Variants in ROR1 observed in about 807,000 individuals in gnomAD.
ROR1 encodes ROR family WNT receptor 1, also known as inactive tyrosine-protein kinase transmembrane receptor ROR1.
ROR1 carries 19 observed loss-of-function variants against 78.8 expected under a neutral mutation model. That is an observed-to-expected ratio of 0.24 (90% CI 0.17 to 0.35). The LOEUF (loss-of-function observed/expected upper bound fraction) is 0.35. Among genes scored for constraint, ROR1 ranks in the 10% least tolerant of loss-of-function variants. The probability of loss-of-function intolerance (pLI) is 1.00; values close to 1 mark genes in which losing one functional copy is unlikely to be tolerated. For synonymous variants in ROR1, 386 were observed against 433.6 expected (o/e 0.89, Z 1.36); for missense variants, 917 against 1,177.8 (o/e 0.78, Z 3.24).
chr1:64,059,279 A>C (rs1214917828), intron 4 of ROR1, among the ~76,000 whole-genome samples: 1 of 152,150 alleles, frequency 6.6e-6, no homozygotes, highest in East Asian at 1.9e-4. Flanking sequence ...TGGATATTGA[A>C]ATAGAGTATT....
At chr1:63,820,841 A>T (rs920921481) in intron 1 of ROR1, among the ~76,000 whole-genome samples, 3 of 152,196 alleles carry the variant, frequency 2.0e-5, no homozygotes, top group Admixed American at 1.3e-4. Flanking sequence ...GGAGAAACAG[A>T]TGAGGAATGG....
In ROR1 at chr1:63,969,640, A is replaced by G. The variant is rs1646103141; in HGVS notation, c.92-39665A>G. Among the ~76,000 whole-genome samples, 3 of 152,094 alleles carry G rather than the reference A, an allele frequency of 2.0e-5. No individual in the cohort carries two copies. In the South Asian group the frequency reaches 6.2e-4, roughly 32 times the overall value. ...CCATTGTCCATCCAGTGTCCGAGCC[A>G]GAAATCTCCGCTCTTCCATGTGTTT... On this transcript the variant is annotated intron_variant, in intron 1 of 8. Transcript: ENST00000371079.
intron 1 of ROR1, among the ~76,000 whole-genome samples, chr1:63,940,514 T>C (rs537646257): frequency 6.6e-6 from 1 of 151,400 alleles, no homozygotes; most frequent in South Asian, 2.1e-4. Context: ...GATAGATAGA[T>C]AGATAGATAG....
intron 1 of ROR1, among the ~76,000 whole-genome samples, chr1:63,922,447 A>AAC (rs1264616350): frequency 6.6e-6 from 1 of 152,172 alleles, no homozygotes; most frequent in African/African-American, 2.4e-5. Context: ...GTATCTGGTT[A>AAC]ACAGTTCACT....
At chr1:63,890,877 A>G (rs1016799956) in intron 1 of ROR1, among the ~76,000 whole-genome samples, 1 of 152,150 alleles carries the variant, frequency 6.6e-6, no homozygotes. Flanking sequence ...CGGCCATACC[A>G]CGCTGAACAT....
At chr1:64,006,417 T>G (rs2100539244) in intron 1 of ROR1, among the ~76,000 whole-genome samples, 1 of 152,150 alleles carries the variant, frequency 6.6e-6, no homozygotes, top group South Asian at 2.1e-4. Flanking sequence ...AGAGCCAAAG[T>G]GGGTGGCAGC....
intron 1 of ROR1, among the ~76,000 whole-genome samples, chr1:63,912,163 T>C (rs915469216): frequency 6.6e-6 from 1 of 150,406 alleles, no homozygotes; most frequent in Non-Finnish European, 1.5e-5. Flanking sequence ...CTGAGCATGG[T>C]GGCATGTGTC....
rs575399209 is a variant in ROR1, at chr1:64,133,933, T to G, written c.483-3436T>G. Among the ~76,000 whole-genome samples, 9 of 152,142 alleles carry G rather than the reference T, an allele frequency of 5.9e-5. No homozygotes were observed. In the South Asian group the frequency reaches 1.9e-3, roughly 32 times the overall value. ...TCCAGCCAAAGCCAGTGGGGAAAAA[T>G]GGAAAAGAAAGAAATGTGTTTTTGA... On this transcript the variant is annotated intron_variant, in intron 4 of 8. Transcript: ENST00000371079.
intron 1 of ROR1, among the ~76,000 whole-genome samples, chr1:63,814,561 C>G (rs1644878294): frequency 6.6e-6 from 1 of 151,446 alleles, no homozygotes; most frequent in African/African-American, 2.4e-5. Flanking sequence ...CAGTGGGAGC[C>G]CTGAGCTTGT....
At position 64,050,802 on chromosome 1, in the gene ROR1, G is replaced by A. The variant is rs373472361; in HGVS notation, c.482+86G>A. On this transcript the variant is annotated intron_variant, in intron 4 of 8. Coordinates refer to ENST00000371079, the MANE Select transcript of ROR1 (RefSeq NM_005012.4). ...AAAAGCAATGTTGTCCTCTTCTTAAGCCAAAATACTGGCTTCCAGATGTCA... is the reference window on the plus strand; with the variant it reads ...AAAAGCAATGTTGTCCTCTTCTTAAACCAAAATACTGGCTTCCAGATGTCA... The A allele has an allele frequency of 8.4e-6, 11 of 1,303,030 alleles. No individual in the cohort carries two copies. In the African/African-American group the frequency reaches 1.0e-4, roughly 12 times the overall value. 80.7% of individuals were successfully genotyped at this position (1,303,030 alleles called of 1,614,324 possible).
chr1:63,799,266 C>T (rs1393517580), intron 1 of ROR1, among the ~76,000 whole-genome samples: 1 of 152,066 alleles, frequency 6.6e-6, no homozygotes, highest in Non-Finnish European at 1.5e-5. Flanking sequence ...CATTTCCCTT[C>T]CTCAAAAATA....
intron 2 of ROR1, among the ~76,000 whole-genome samples, chr1:64,042,271 A>G (rs546637340): frequency 4.6e-5 from 7 of 152,298 alleles, no homozygotes; most frequent in Admixed American, 4.6e-4. Flanking sequence ...GGACCCAGGT[A>G]TCAGTATTTT....
At chr1:63,821,045 A>G (rs1042877146) in intron 1 of ROR1, among the ~76,000 whole-genome samples, 6 of 152,142 alleles carry the variant, frequency 3.9e-5, no homozygotes, top group African/African-American at 1.4e-4. Flanking sequence ...AAAGGGAAAG[A>G]TTTTTTGTGT....
chr1:63,870,004 A>G (rs949237082), intron 1 of ROR1, among the ~76,000 whole-genome samples: 6 of 152,218 alleles, frequency 3.9e-5, no homozygotes, highest in African/African-American at 1.4e-4. Context: ...TGAAATTATT[A>G]TTTATTGCAC....
intron 8 of ROR1, among the ~76,000 whole-genome samples, chr1:64,162,385 G>C (rs1649971722): frequency 6.6e-6 from 1 of 152,188 alleles, no homozygotes; most frequent in African/African-American, 2.4e-5. Flanking sequence ...CGACAGACTG[G>C]CTGACGAGGC....
At chr1:63,919,712 G>A (rs1308079798) in intron 1 of ROR1, among the ~76,000 whole-genome samples, 2 of 151,976 alleles carry the variant, frequency 1.3e-5, no homozygotes, top group Non-Finnish European at 2.9e-5. Flanking sequence ...TTGTTCAATT[G>A]GGGATCATAA....
intron 1 of ROR1, among the ~76,000 whole-genome samples, chr1:63,798,010 C>T (rs887610647): frequency 7.2e-5 from 11 of 152,174 alleles, no homozygotes; most frequent in African/African-American, 2.2e-4. Flanking sequence ...CTGCATTCTT[C>T]ATCTTATGAG....
Position 63,989,162 on chromosome 1 carries a change from G to GTTTTTTTTT in ROR1, c.92-20138_92-20137insTTTTTTTTT, listed in dbSNP as rs1287163623. Among the ~76,000 whole-genome samples the GTTTTTTTTT allele has an allele frequency of 3.4e-3, 403 of 117,256 alleles. 17 individuals are homozygous for GTTTTTTTTT. The highest frequency in any genetic ancestry group is 0.011 in the African/African-American group (388 of 34,408). 76.9% of individuals were successfully genotyped at this position (117,256 alleles called of 152,430 possible). ...TTTTTGCCAACACTTGTCATTTTCT[G>GTTTTTTTTT]TTTTTGTTTTTTTTTTTTTTTAAAC... is the stretch of plus-strand genomic sequence containing the variant. On this transcript the variant is annotated intron_variant, in intron 1 of 8. Transcript: ENST00000371079.
rs148388611 is a variant in ROR1, at chr1:63,792,513, A to AG, written c.91+18005_91+18006insG. ...AGTGTATGGTTTGGAAAGAAAAAAA[A>AG]TCTCAGTTTGGGCCTGGCCTGCTAC... On this transcript the variant is annotated intron_variant, in intron 1 of 8. Coordinates refer to ENST00000371079, the MANE Select transcript of ROR1 (RefSeq NM_005012.4). 4.8e-4 allele frequency among the ~76,000 whole-genome samples: 73 copies of AG among 152,272 alleles called. 2 individuals are homozygous for AG. The East Asian group carries it at 0.013, about 28-fold the overall frequency.
Sources: allele counts gnomAD v4.1 joint callset (sites outside exome capture counted in the v4.1 genomes callset), GRCh38; gene constraint gnomAD v4.1.1; transcripts MANE v1.5; gene names NCBI Gene and HGNC (gene_info 2026-07-23, HGNC 2026-07-21).